Variants in TPD52 observed in about 807,000 individuals in gnomAD.
TPD52 encodes prostate and colon associated protein.
A neutral mutation model predicts 31.3 loss-of-function variants in TPD52; 17 were observed. The ratio of observed to expected loss-of-function variants is 0.54; its 90% CI spans 0.37 to 0.82. The LOEUF (loss-of-function observed/expected upper bound fraction) is 0.82, where lower values mean the gene tolerates loss of function less well. Ranked by LOEUF, TPD52 falls within the 40% of genes least tolerant of loss-of-function variation. The pLI is 0.00. For missense variants in TPD52, 212 were observed against 240.1 expected, an observed-to-expected ratio of 0.88 and a Z score of 0.77; for synonymous variants, 83 against 89.6, an observed-to-expected ratio of 0.93 and a Z score of 0.42.
intron 1 of TPD52, among the ~76,000 whole-genome samples, chr8:80,101,796 T>TCC (rs576297747): frequency 1.3e-5 from 2 of 151,288 alleles, no homozygotes; most frequent in Non-Finnish European, 2.9e-5. Flanking sequence ...TCATGAAGGA[T>TCC]CCCCCCCATG....
chr8:80,138,682 TTCTACCA>T (rs1310284920), intron 1 of TPD52, among the ~76,000 whole-genome samples: 1 of 152,090 alleles, frequency 6.6e-6, no homozygotes, highest in Non-Finnish European at 1.5e-5. Flanking sequence ...CAGGCCTGGG[TTCTACCA>T]TCTTGCCTCA....
At chr8:80,121,551 C>G (rs1386547132) in intron 1 of TPD52, among the ~76,000 whole-genome samples, 1 of 152,152 alleles carries the variant, frequency 6.6e-6, no homozygotes, top group Non-Finnish European at 1.5e-5. Context: ...GTAGTCAAGC[C>G]CAAACAGACC....
Position 80,171,415 on chromosome 8 carries a change from G to C in TPD52, c.19+10C>G, listed in dbSNP as rs1404708727. The C allele has an allele frequency of 1.3e-6, 2 of 1,596,394 alleles. No homozygotes were observed. The highest frequency in any genetic ancestry group is 2.7e-5 in the African/African-American group (2 of 74,340). On this transcript the variant is annotated intron_variant, in intron 1 of 7. Transcript: ENST00000518937. ...GCCCGAGCCCAAGCCCGCTGGGTCC[G>C]CGCCCTCACCTTGCTCGCCGCGGTC...
chr8:80,150,304 G>C (rs1175972247), intron 1 of TPD52, among the ~76,000 whole-genome samples: 1 of 152,238 alleles, frequency 6.6e-6, no homozygotes, highest in African/African-American at 2.4e-5. Flanking sequence ...GGAAACGCCT[G>C]GATGTCCAGG....
intron 1 of TPD52, among the ~76,000 whole-genome samples, chr8:80,095,595 G>C (rs528487458): frequency 6.2e-4 from 94 of 152,280 alleles, no homozygotes; most frequent in African/African-American, 2.2e-3. Context: ...GAAACTAGGG[G>C]CGTGAAGGAA....
intron 1 of TPD52, among the ~76,000 whole-genome samples, chr8:80,066,200 G>A (rs1456472151): frequency 6.6e-6 from 1 of 152,164 alleles, no homozygotes; most frequent in African/African-American, 2.4e-5. Context: ...AGAATTACAT[G>A]AGTCAATGAG....
chr8:80,042,224 T>G, intron 7 of TPD52: 1 of 985,464 alleles, frequency 1.0e-6, no homozygotes, highest in Non-Finnish European at 1.2e-6. Flanking sequence ...CATACATCTA[T>G]CACTGTCTGA....
At chr8:80,135,192 A>G (rs977088475) in intron 1 of TPD52, among the ~76,000 whole-genome samples, 2 of 152,240 alleles carry the variant, frequency 1.3e-5, no homozygotes, top group Non-Finnish European at 2.9e-5. Context: ...CTAGATGTAC[A>G]CACGGTTGTT....
chr8:80,091,383 G>C (rs1586279454), intron 1 of TPD52, among the ~76,000 whole-genome samples: 1 of 151,932 alleles, frequency 6.6e-6, no homozygotes, highest in African/African-American at 2.4e-5. Flanking sequence ...GCAGGAGAAT[G>C]GCCTGAACCC....
At chr8:80,032,553 A>G (rs1809720534), downstream of TPD52, among the ~76,000 whole-genome samples, 1 of 152,218 alleles carries the variant, frequency 6.6e-6, no homozygotes, top group Non-Finnish European at 1.5e-5. Flanking sequence ...AAGCCAAGGA[A>G]AGTGAACAGA....
intron 7 of TPD52, chr8:80,042,418 A>G (rs1297445358): frequency 5.1e-6 from 5 of 985,372 alleles, no homozygotes; most frequent in Admixed American, 6.1e-5. Flanking sequence ...AGCATGTGGC[A>G]TGCTGCCACA....
At chr8:80,125,303 A>T (rs536139231) in intron 1 of TPD52, among the ~76,000 whole-genome samples, 1 of 151,950 alleles carries the variant, frequency 6.6e-6, no homozygotes, top group Admixed American at 6.6e-5. Flanking sequence ...TAATAACGAG[A>T]CCCCCTCTCT....
At chr8:80,163,719 G>C (rs952988812) in intron 1 of TPD52, among the ~76,000 whole-genome samples, 2 of 152,100 alleles carry the variant, frequency 1.3e-5, no homozygotes, top group Non-Finnish European at 2.9e-5. Context: ...CACCTCCTTT[G>C]ACCTGTCTAT....
intron 1 of TPD52, among the ~76,000 whole-genome samples, chr8:80,071,472 C>T (rs1813774287): frequency 6.6e-6 from 1 of 152,092 alleles, no homozygotes. Context: ...GCCCACTACT[C>T]TTCAACCCCC....
At chr8:80,057,765 T>G (rs1812055036) in intron 2 of TPD52, among the ~76,000 whole-genome samples, 1 of 152,162 alleles carries the variant, frequency 6.6e-6, no homozygotes, top group South Asian at 2.1e-4. Flanking sequence ...CATGAGGCAT[T>G]ACCATGTAAC....
chr8:80,073,330 TC>T (rs1814146020), intron 1 of TPD52, among the ~76,000 whole-genome samples: 1 of 152,210 alleles, frequency 6.6e-6, no homozygotes, highest in Non-Finnish European at 1.5e-5. Flanking sequence ...ACACTATTTT[TC>T]GTGTGTCTTT....
At chr8:80,107,340 CACA>C (rs774541011) in intron 1 of TPD52, among the ~76,000 whole-genome samples, 38 of 152,222 alleles carry the variant, frequency 2.5e-4, no homozygotes, top group African/African-American at 7.9e-4. Flanking sequence ...GGAGTCTCCC[CACA>C]ACATTACCAA....
intron 1 of TPD52, among the ~76,000 whole-genome samples, chr8:80,106,681 A>ATTT: frequency 1.4e-5 from 2 of 143,336 alleles, no homozygotes; most frequent in Middle Eastern, 3.6e-3. Context: ...TACTCGTTCT[A>ATTT]TTTTTTTTTT....
chr8:80,045,528 T>G (rs765343025), intron 5 of TPD52, among the ~76,000 whole-genome samples: 2 of 152,140 alleles, frequency 1.3e-5, no homozygotes, highest in African/African-American at 2.4e-5. Flanking sequence ...CACTTAGATG[T>G]TGAAGAGGAT....
Sources: allele counts gnomAD v4.1 joint callset (sites outside exome capture counted in the v4.1 genomes callset), GRCh38; gene constraint gnomAD v4.1.1; transcripts MANE v1.5; gene names NCBI Gene and HGNC (gene_info 2026-07-23, HGNC 2026-07-21).